Variants in APBA1 observed in about 807,000 individuals in gnomAD.
APBA1 encodes amyloid-beta A4 precursor protein-binding family A member 1.
Under a neutral mutation model 86.6 loss-of-function variants are expected in APBA1, and 55 were observed. The ratio of observed to expected loss-of-function variants is 0.64; its 90% CI spans 0.51 to 0.80. APBA1 has a LOEUF of 0.80. Among genes scored for constraint, APBA1 ranks in the 30% least tolerant of loss-of-function variants. The pLI, the probability that APBA1 is intolerant of heterozygous loss-of-function variation, is 0.00. For missense variants in APBA1, 1,090 were observed against 1,183.0 expected, an observed-to-expected ratio of 0.92 and a Z score of 1.15; for synonymous variants, 511 against 493.9, an observed-to-expected ratio of 1.03 and a Z score of -0.46.
At chr9:69,641,052 C>T (rs1170809279) in intron 1 of APBA1, among the ~76,000 whole-genome samples, 2 of 151,822 alleles carry the variant, frequency 1.3e-5, no homozygotes, top group African/African-American at 4.8e-5. Context: ...ATGACATAAT[C>T]TATGTAGAAA....
intron 1 of APBA1, among the ~76,000 whole-genome samples, chr9:69,539,363 ATTC>A (rs1278863718): frequency 6.6e-6 from 1 of 152,174 alleles, no homozygotes; most frequent in Non-Finnish European, 1.5e-5. Context: ...CTGCCTCATC[ATTC>A]TTCTTCCAGT....
At chr9:69,602,364 G>A (rs952676466) in intron 1 of APBA1, among the ~76,000 whole-genome samples, 7 of 152,036 alleles carry the variant, frequency 4.6e-5, no homozygotes, top group Non-Finnish European at 1.0e-4. Context: ...GAGGTCAGGA[G>A]ATCAAGACCA....
At position 69,517,074 on chromosome 9, in the gene APBA1, TGCTGCTGCTGCGGCG is replaced by T. The variant is rs773305897; in HGVS notation, c.122_136del (p.Pro41_Gln45del). ...CCCGCGCTGGTGGCGGCCCACATAG[TGCTGCTGCTGCGGCG>T]GCTGCTGCTGTTCCTCTTCCACCTC... is the stretch of plus-strand genomic sequence containing the variant. On this transcript the variant is annotated inframe_deletion, in exon 2 of 13. Transcript: ENST00000265381. The T allele has an allele frequency of 1.3e-6, 2 of 1,584,392 alleles. No homozygotes were observed. The highest frequency in any genetic ancestry group is 1.1e-5 in the South Asian group (1 of 87,998).
At chr9:69,441,224 A>AC in intron 10 of APBA1, 109 bp from the exon 11 acceptor site, 1 of 1,349,422 alleles carries the variant, frequency 7.4e-7, no homozygotes, top group Non-Finnish European at 1.0e-6. Flanking sequence ...CTTCCGAAGG[A>AC]CCCACTGCCT....
intron 2 of APBA1, among the ~76,000 whole-genome samples, chr9:69,483,967 T>G (rs1455302231): frequency 6.6e-6 from 1 of 152,120 alleles, no homozygotes; most frequent in East Asian, 1.9e-4. Context: ...TGTAGTAAAG[T>G]CTTCATGAGA....
rs757777831 is a variant in APBA1 at position 69,456,281 on chromosome 9, T to A, written c.1754A>T (p.Tyr585Phe). 5.2e-5 allele frequency: 84 copies of A among 1,614,102 alleles called. 1 individual carries two copies. The East Asian group carries it at 1.7e-3, about 33-fold the overall frequency. ...CTCGAAGACGTGGCAGATCATCTTG[T>A]ACTGCCTTTTCCCATCCTGGGATGG... ...SHPSQDGKRQ[Y>F]KMICHVFESE... Residue 585 changes from tyrosine (Y) to phenylalanine (F), a missense_variant, in exon 8 of 13, where the codon TAC (tyrosine) becomes TTC (phenylalanine). Coordinates refer to ENST00000265381, the MANE Select transcript of APBA1 (RefSeq NM_001163.4).
At position 69,576,828 on chromosome 9, in the gene APBA1, C is replaced by T. The variant is rs146981011; in HGVS notation, c.-69-59549G>A. ...ATATGTAACAAACCTGCACGTTGTG[C>T]ACATGTACCCTAAAACTTAAAGTAT... On this transcript the variant is annotated intron_variant, in intron 1 of 12. Transcript: ENST00000265381. 6.7e-3 allele frequency among the ~76,000 whole-genome samples: 1,015 copies of T among 152,134 alleles called. 10 individuals are homozygous for T. The highest frequency in any genetic ancestry group is 0.023 in the African/African-American group (963 of 41,498).
chr9:69,609,883 C>T (rs149965524), intron 1 of APBA1, among the ~76,000 whole-genome samples: 293 of 152,262 alleles, frequency 1.9e-3, no homozygotes, highest in African/African-American at 7.0e-3. Flanking sequence ...ACTGCAACCT[C>T]AAATTCCCGG....
chr9:69,656,441 T>C (rs1479348603), intron 1 of APBA1, among the ~76,000 whole-genome samples: 1 of 152,182 alleles, frequency 6.6e-6, no homozygotes, highest in East Asian at 1.9e-4. Flanking sequence ...ATCTCTACAA[T>C]ATTAAACAAG....
chr9:69,606,330 G>A (rs1822471292), intron 1 of APBA1, among the ~76,000 whole-genome samples: 1 of 152,138 alleles, frequency 6.6e-6, no homozygotes, highest in Non-Finnish European at 1.5e-5. Flanking sequence ...CAGCAGGCGT[G>A]GTGATAGGAA....
chr9:69,567,332 T>C (rs1212770960), intron 1 of APBA1, among the ~76,000 whole-genome samples: 1 of 152,092 alleles, frequency 6.6e-6, no homozygotes, highest in Admixed American at 6.6e-5. Context: ...CTAAGGAAAT[T>C]CCTGCCGCCC....
At chr9:69,590,443 G>A (rs535144970) in intron 1 of APBA1, among the ~76,000 whole-genome samples, 2 of 152,264 alleles carry the variant, frequency 1.3e-5, no homozygotes, top group Admixed American at 6.5e-5. Flanking sequence ...GGGTCTATTT[G>A]TTCATCAGCC....
chr9:69,655,397 A>G (rs1289667999), intron 1 of APBA1, among the ~76,000 whole-genome samples: 2 of 152,194 alleles, frequency 1.3e-5, no homozygotes, highest in African/African-American at 4.8e-5. Flanking sequence ...AAGTTGTAGT[A>G]TACAAAATCA....
chr9:69,560,733 AAC>A (rs1836934853), intron 1 of APBA1, among the ~76,000 whole-genome samples: 1 of 152,290 alleles, frequency 6.6e-6, no homozygotes, highest in African/African-American at 2.4e-5. Flanking sequence ...CATTATACTT[AAC>A]AGTTGAGCAT....
intron 1 of APBA1, among the ~76,000 whole-genome samples, chr9:69,577,813 T>C (rs2133953810): frequency 6.6e-6 from 1 of 152,270 alleles, no homozygotes; most frequent in East Asian, 1.9e-4. Flanking sequence ...CTTCATATTT[T>C]AGATGATAAA....
chr9:69,473,028 A>G (rs897139841), intron 3 of APBA1, among the ~76,000 whole-genome samples: 1 of 152,246 alleles, frequency 6.6e-6, no homozygotes. Context: ...GCTTTTCAGT[A>G]AACCTGCTGC....
At chr9:69,547,877 G>A (rs768944350) in intron 1 of APBA1, among the ~76,000 whole-genome samples, 1 of 152,194 alleles carries the variant, frequency 6.6e-6, no homozygotes, top group African/African-American at 2.4e-5. Context: ...GATGGGTTCA[G>A]TGGTGTGGTC....
At chr9:69,643,542 A>T (rs779670129) in intron 1 of APBA1, among the ~76,000 whole-genome samples, 3 of 151,986 alleles carry the variant, frequency 2.0e-5, no homozygotes, top group Non-Finnish European at 4.4e-5. Flanking sequence ...CTTTTCCTCT[A>T]TGTCTGCCTC....
chr9:69,633,103 A>G (rs1823082247), intron 1 of APBA1, among the ~76,000 whole-genome samples: 2 of 147,752 alleles, frequency 1.4e-5, no homozygotes, highest in Admixed American at 6.7e-5. Context: ...TTTTTCCACC[A>G]GTAACTGTGT....
Sources: allele counts gnomAD v4.1 joint callset (sites outside exome capture counted in the v4.1 genomes callset), GRCh38; gene constraint gnomAD v4.1.1; transcripts MANE v1.5; gene names NCBI Gene and HGNC (gene_info 2026-07-23, HGNC 2026-07-21).